USP40: variants seen among roughly 807,000 people sequenced by gnomAD.
USP40 encodes ubiquitin specific peptidase 40, also known as ubiquitin carboxyl-terminal hydrolase 40.
USP40 carries 143 observed loss-of-function variants against 166.2 expected under a neutral mutation model. That is an observed-to-expected ratio of 0.86 (90% CI 0.75 to 0.99). The LOEUF (loss-of-function observed/expected upper bound fraction) is 0.99, where lower values mean the gene tolerates loss of function less well. Among genes scored for constraint, USP40 ranks in the 50% least tolerant of loss-of-function variants. USP40 has a pLI of 0.00. For missense variants in USP40, 1,444 were observed against 1,479.7 expected (o/e 0.98, Z 0.40); for synonymous variants, 498 against 524.0 (o/e 0.95, Z 0.68).
rs762888394 is a variant in USP40 at position 233,485,949 on chromosome 2, C to T, written c.3226G>A (p.Val1076Met). Residue 1076 changes from valine to methionine, a missense_variant, in exon 29 of 32, where the codon GTG becomes ATG. Val to Met is a conservative substitution (Grantham distance 21). Transcript: ENST00000678225. ...TAGGTCCTCTCACCAGGGATGCGCACCTGTGTCCTCAGCAGCACGTCCTGG... is the reference window on the plus strand; with the variant it reads ...TAGGTCCTCTCACCAGGGATGCGCATCTGTGTCCTCAGCAGCACGTCCTGG... ...GPQDVLLRTQ[V>M]RIPGERTYAP... 1.9e-6 allele frequency: 3 copies of T among 1,590,196 alleles called. No individual in the cohort carries two copies. Among genetic ancestry groups the T allele is most frequent in the Non-Finnish European group, 2.6e-6 (3 of 1,170,144 alleles).
chr2:233,481,152 A>G (rs1019697794), intron 31 of USP40, 51 bp downstream of exon 31: 2 of 1,490,586 alleles, frequency 1.3e-6, no homozygotes, highest in Admixed American at 4.1e-5. Flanking sequence ...AATAAGAGAG[A>G]GTCAGAGAGG....
chr2:233,545,121 C>A (rs1307073914), intron 8 of USP40, among the ~76,000 whole-genome samples: 14 of 152,172 alleles, frequency 9.2e-5, no homozygotes, highest in Admixed American at 4.6e-4. Flanking sequence ...CAAGGAAATA[C>A]AATCAGCAAC....
intron 18 of USP40, among the ~76,000 whole-genome samples, chr2:233,514,149 C>G (rs1054136905): frequency 6.6e-6 from 1 of 152,176 alleles, no homozygotes; most frequent in African/African-American, 2.4e-5. Context: ...AGGCACTGTG[C>G]TAGAAACTGG....
At position 233,549,171 on chromosome 2, in the gene USP40, C is replaced by A. The variant is rs903651210; in HGVS notation, c.896G>T (p.Gly299Val). The change falls in exon 8 of 32, where the codon GGT becomes GTT. Residue 299 changes from glycine (G) to valine (V), a missense_variant. Coordinates refer to ENST00000678225, the MANE Select transcript of USP40 (RefSeq NM_001365479.2). ...ATGGTAATGGCCTCCGTAGCAGCCACCTTTGTGTATAATAACTGAGAAGAG... is the reference window on the plus strand; with the variant it reads ...ATGGTAATGGCCTCCGTAGCAGCCAACTTTGTGTATAATAACTGAGAAGAG... ...YDLFSVIIHKGGCYGGHYHVY... is the reference protein window; with the variant it reads ...YDLFSVIIHKVGCYGGHYHVY... 4 of 1,577,082 alleles carry A rather than the reference C, an allele frequency of 2.5e-6. No individual in the cohort carries two copies. The South Asian group carries it at 3.4e-5, about 13-fold the overall frequency.
At chr2:233,517,296 C>T (rs1451435504) in intron 18 of USP40, among the ~76,000 whole-genome samples, 1 of 151,788 alleles carries the variant, frequency 6.6e-6, no homozygotes, top group Non-Finnish European at 1.5e-5. Flanking sequence ...GTAGAACTAC[C>T]ATTTGATCCA....
intron 31 of USP40, 129 bp downstream of exon 31, chr2:233,481,074 A>T: frequency 1.2e-6 from 1 of 831,308 alleles, no homozygotes; most frequent in Non-Finnish European, 1.9e-6. Context: ...AGGACCCGCC[A>T]CACTGGTGTG....
At chr2:233,492,236 T>A (rs73997630) in intron 25 of USP40, among the ~76,000 whole-genome samples, 4,681 of 152,320 alleles carry the variant, frequency 0.031, 226 homozygotes, top group African/African-American at 0.11. Flanking sequence ...TGTACAGGTC[T>A]GTAGCCTATG....
chr2:233,550,990 G>C (rs911515299), intron 7 of USP40, among the ~76,000 whole-genome samples: 2 of 152,114 alleles, frequency 1.3e-5, no homozygotes, highest in African/African-American at 4.8e-5. Context: ...TTTAAAGAAG[G>C]GTTTAATAAA....
intron 31 of USP40, among the ~76,000 whole-genome samples, chr2:233,479,189 A>G (rs2064374769): frequency 6.6e-6 from 1 of 152,220 alleles, no homozygotes; most frequent in Non-Finnish European, 1.5e-5. Flanking sequence ...GATGTCTCCA[A>G]ATAACAGCCC....
At position 233,496,843 on chromosome 2, in the gene USP40, A is replaced by G; in HGVS notation, c.2716-11T>C. 1.2e-6 allele frequency: 2 copies of G among 1,610,662 alleles called. No homozygotes were observed. Reference sequence around the variant, plus strand: ...TTTCAGTGTTGCATCCTGGGAAGACAAAAATGCTTTTTTGTCACTTATGAC... The same window carrying G: ...TTTCAGTGTTGCATCCTGGGAAGACGAAAATGCTTTTTTGTCACTTATGAC... On this transcript the variant is annotated splice_polypyrimidine_tract_variant and intron_variant, in intron 23 of 31. Coordinates refer to ENST00000678225, the MANE Select transcript of USP40 (RefSeq NM_001365479.2).
intron 24 of USP40, among the ~76,000 whole-genome samples, chr2:233,494,915 CATATATATATAT>C (rs1169787200): frequency 8.8e-5 from 1 of 11,370 alleles, no homozygotes; most frequent in Non-Finnish European, 1.7e-4. Flanking sequence ...AGCAAAATGG[CATATATATATAT>C]ATATATATAT....
intron 30 of USP40, among the ~76,000 whole-genome samples, chr2:233,482,871 C>A (rs2064714785): frequency 6.6e-6 from 1 of 152,214 alleles, no homozygotes; most frequent in Non-Finnish European, 1.5e-5. Context: ...CTAGCAAGGG[C>A]AGCTTCCTGC....
intron 3 of USP40, chr2:233,561,064 T>C (rs769730512): frequency 7.4e-6 from 10 of 1,344,144 alleles, no homozygotes; most frequent in Non-Finnish European, 8.3e-6. Context: ...TGATAATTAA[T>C]AAAATTATTG....
chr2:233,507,993 T>G (rs150621483), intron 21 of USP40, among the ~76,000 whole-genome samples: 2 of 152,284 alleles, frequency 1.3e-5, no homozygotes, highest in African/African-American at 4.8e-5. Flanking sequence ...TTTCAGATTT[T>G]GGAGCATTTT....
chr2:233,483,227 C>T (rs139170694), intron 30 of USP40, among the ~76,000 whole-genome samples: 2,780 of 152,268 alleles, frequency 0.018, 31 homozygotes, highest in South Asian at 0.028. Flanking sequence ...TGGTGGCTCA[C>T]GCCTGTAATC....
chr2:233,535,265 T>C (rs2068853268), intron 10 of USP40, among the ~76,000 whole-genome samples: 1 of 152,176 alleles, frequency 6.6e-6, no homozygotes, highest in East Asian at 1.9e-4. Context: ...GTTCAATATC[T>C]GAGCAGGGCT....
chr2:233,482,238 G>A (rs1226494358), intron 30 of USP40, among the ~76,000 whole-genome samples: 1 of 152,036 alleles, frequency 6.6e-6, no homozygotes, highest in Non-Finnish European at 1.5e-5. Context: ...AAATTGTGGG[G>A]AGGCTGAGGC....
At chr2:233,490,284 C>T (rs1333670345) in intron 26 of USP40, among the ~76,000 whole-genome samples, 1 of 151,434 alleles carries the variant, frequency 6.6e-6, no homozygotes, top group Non-Finnish European at 1.5e-5. Context: ...CTGCCTCAGC[C>T]TCCGAGTAGC....
At chr2:233,481,652 G>C in intron 30 of USP40, 1 of 271,642 alleles carries the variant, frequency 3.7e-6, no homozygotes, top group Non-Finnish European at 7.0e-6. Context: ...CAGAAGCACA[G>C]CTGTTTACTT....
Sources: gnomAD v4.1 joint callset for allele counts (sites outside exome capture counted in the v4.1 genomes callset) on GRCh38, gnomAD v4.1.1 for gene constraint, MANE v1.5 for transcripts, NCBI Gene and HGNC (gene_info 2026-07-23, HGNC 2026-07-21) for gene names.